Variants in SV2C observed in about 807,000 individuals in gnomAD.
SV2C encodes synaptic vesicle glycoprotein 2C, also known as solute carrier family 22 member B3.
In SV2C, 49 loss-of-function variants were observed where a neutral mutation model predicts 79.7. The ratio of observed to expected loss-of-function variants is 0.61; its 90% confidence interval spans 0.49 to 0.78. The LOEUF (loss-of-function observed/expected upper bound fraction) is 0.78. Among genes scored for constraint, SV2C ranks in the 30% least tolerant of loss-of-function variants. The pLI is 0.00. For synonymous variants in SV2C, 334 were observed against 333.2 expected (o/e 1.00, Z -0.03); for missense variants, 833 against 912.9 (o/e 0.91, Z 1.13).
the SV2C span, among the ~76,000 whole-genome samples, chr5:76,005,159 G>A: frequency 6.6e-6 from 1 of 152,198 alleles, no homozygotes; most frequent in African/African-American, 2.4e-5. Context: ...ATCACAGGAG[G>A]AGACCAAGTG....
the SV2C span, among the ~76,000 whole-genome samples, chr5:75,970,490 A>G: frequency 6.6e-6 from 1 of 152,030 alleles, no homozygotes; most frequent in Non-Finnish European, 1.5e-5. Flanking sequence ...GACAAAGGGG[A>G]TATCACCACC....
the SV2C span, among the ~76,000 whole-genome samples, chr5:75,957,796 A>G: frequency 2.0e-5 from 3 of 152,054 alleles, no homozygotes; most frequent in Non-Finnish European, 4.4e-5. Context: ...AGCCTCTGAC[A>G]AAATGGGGCA....
At chr5:76,187,927 T>G (rs1269569208) in intron 2 of SV2C, among the ~76,000 whole-genome samples, 1 of 152,186 alleles carries the variant, frequency 6.6e-6, no homozygotes, top group East Asian at 1.9e-4. Context: ...ACTATTTTAT[T>G]TCTCCGCTTT....
At chr5:75,937,478 A>T in the SV2C span, among the ~76,000 whole-genome samples, 1 of 152,112 alleles carries the variant, frequency 6.6e-6, no homozygotes, top group African/African-American at 2.4e-5. Context: ...AGATGGGAGG[A>T]TCATTTGAGC....
the SV2C span, among the ~76,000 whole-genome samples, chr5:75,873,337 A>C: frequency 6.6e-6 from 1 of 152,252 alleles, no homozygotes; most frequent in Admixed American, 6.5e-5. Flanking sequence ...TACATACAAA[A>C]ATTTAATTTC....
At chr5:76,283,875 C>A (rs138960524) in intron 4 of SV2C, among the ~76,000 whole-genome samples, 339 of 152,314 alleles carry the variant, frequency 2.2e-3, no homozygotes, top group African/African-American at 7.9e-3. Context: ...TAAGGTGTAA[C>A]TTCAGCTCTG....
chr5:76,311,099 G>A (rs1414046646), intron 12 of SV2C: 1 of 152,244 alleles, frequency 6.6e-6, no homozygotes, highest in Admixed American at 6.5e-5. Flanking sequence ...GACTTGCCCA[G>A]GGCTAGAACT....
chr5:75,852,385 A>G, the SV2C span, among the ~76,000 whole-genome samples: 1 of 152,160 alleles, frequency 6.6e-6, no homozygotes, highest in African/African-American at 2.4e-5. Flanking sequence ...AAGAACAAAG[A>G]TAAATAAAAA....
Position 76,291,815 on chromosome 5 carries a change from T to C in SV2C, c.1296T>C (p.Asn432=). The part of the protein sequence containing the change: ...MRCFNYPVRD[N]TIKLTIVWFT... ...GTTTCAACTACCCAGTCAGGGATAA[T>C]ACAATAAAGCTTACAATTGTTTGGT... Residue 432 remains asparagine, a synonymous_variant, in exon 8 of 13, where the codon AAT becomes AAC. Coordinates refer to ENST00000502798, the MANE Select transcript of SV2C (RefSeq NM_014979.4). 6.2e-7 allele frequency: 1 copy of C among 1,611,048 alleles called. No homozygotes were observed. The highest frequency in any genetic ancestry group is 8.5e-7 in the Non-Finnish European group (1 of 1,178,300).
chr5:76,114,508 G>T (rs1193497020), intron 1 of SV2C, among the ~76,000 whole-genome samples: 1 of 152,220 alleles, frequency 6.6e-6, no homozygotes, highest in East Asian at 1.9e-4. Flanking sequence ...AGGAAAATGT[G>T]TTTTGCTGTT....
At chr5:76,279,995 CAG>C (rs1353055540) in intron 4 of SV2C, among the ~76,000 whole-genome samples, 1 of 152,056 alleles carries the variant, frequency 6.6e-6, no homozygotes, top group Non-Finnish European at 1.5e-5. Context: ...GGAGATGGAA[CAG>C]GGGCAGGTGG....
chr5:76,345,598 A>G (rs1354994116), intron 12 of SV2C, among the ~76,000 whole-genome samples: 1 of 152,212 alleles, frequency 6.6e-6, no homozygotes, highest in Non-Finnish European at 1.5e-5. Context: ...CTGCTGAGCC[A>G]TCTTGGCTTG....
chr5:75,920,641 G>C, the SV2C span: 3 of 617,878 alleles, frequency 4.9e-6, no homozygotes, highest in African/African-American at 5.5e-5. Context: ...AGTGGGTGGT[G>C]GGGGGTGGGT....
chr5:76,040,534 G>C, the SV2C span, among the ~76,000 whole-genome samples: 1 of 152,200 alleles, frequency 6.6e-6, no homozygotes, highest in Non-Finnish European at 1.5e-5. Flanking sequence ...ATTAAATTCT[G>C]TGAAGACTTT....
chr5:76,157,359 A>G (rs1742760216), intron 2 of SV2C, among the ~76,000 whole-genome samples: 1 of 152,094 alleles, frequency 6.6e-6, no homozygotes, highest in Non-Finnish European at 1.5e-5. Context: ...CCCCAGATGA[A>G]CAAAAACAGA....
chr5:76,242,063 G>T (rs1745802386), intron 4 of SV2C: 4 of 1,454,408 alleles, frequency 2.8e-6, no homozygotes, highest in South Asian at 1.1e-5. Flanking sequence ...TCTGCGCCTG[G>T]TCTGTTTTGG....
chr5:75,999,709 T>C, the SV2C span, among the ~76,000 whole-genome samples: 1 of 150,794 alleles, frequency 6.6e-6, no homozygotes, highest in Non-Finnish European at 1.5e-5. Flanking sequence ...ATAAAAAAAA[T>C]ACCACAGGCT....
At chr5:75,967,573 G>T in the SV2C span, among the ~76,000 whole-genome samples, 1 of 152,166 alleles carries the variant, frequency 6.6e-6, no homozygotes, top group Non-Finnish European at 1.5e-5. Flanking sequence ...CTCGCCCACT[G>T]CTAGCACAGC....
At chr5:76,335,306 A>T (rs565516903), downstream of SV2C, among the ~76,000 whole-genome samples, 19 of 150,942 alleles carry the variant, frequency 1.3e-4, no homozygotes, top group East Asian at 3.1e-3. Flanking sequence ...CCCTTTTCTG[A>T]TACCCAGCCC....
Sources: allele counts gnomAD v4.1 joint callset (sites outside exome capture counted in the v4.1 genomes callset), GRCh38; gene constraint gnomAD v4.1.1; transcripts MANE v1.5; gene names NCBI Gene and HGNC (gene_info 2026-07-23, HGNC 2026-07-21).